FXYD6: variants seen among roughly 807,000 people sequenced by gnomAD.
FXYD6 encodes FXYD domain containing ion transport regulator 6, also known as FXYD domain-containing ion transport regulator 6.
A neutral mutation model predicts 16.7 loss-of-function variants in FXYD6; 7 were observed. The ratio of observed to expected loss-of-function variants is 0.42; its 90% CI spans 0.24 to 0.79. FXYD6 has a LOEUF of 0.79. Ranked by LOEUF, FXYD6 falls within the 30% of genes least tolerant of loss-of-function variation. The pLI is 0.28. For synonymous variants in FXYD6, 49 were observed against 43.0 expected, an observed-to-expected ratio of 1.14 and a Z score of -0.54; for missense variants, 111 against 116.2, an observed-to-expected ratio of 0.95 and a Z score of 0.21.
chr11:117,870,403 G>A lies in FXYD6; in HGVS notation c.-6+6189C>T, dbSNP rs754124420. ...CTCCCCCACACACCTGCTGACAAAG[G>A]CCCATTCAAGACAGGACAGACAGCA... On this transcript the variant is annotated intron_variant, in intron 1 of 7. Coordinates refer to ENST00000526014, the MANE Select transcript of FXYD6 (RefSeq NM_022003.4). This position sits in a 1 kb window ranked among gnomAD's most constrained non-coding sequence, Gnocchi z 4.2. 2.0e-5 allele frequency among the ~76,000 whole-genome samples: 3 copies of A among 152,210 alleles called. No homozygotes were observed. Among genetic ancestry groups the A allele is most frequent in the Non-Finnish European group, 4.4e-5 (3 of 68,044 alleles).
intron 1 of FXYD6, among the ~76,000 whole-genome samples, chr11:117,856,119 G>A (rs995755133): frequency 2.0e-5 from 3 of 152,096 alleles, no homozygotes; most frequent in African/African-American, 7.2e-5. Context: ...GGCTGCATGT[G>A]CGGGAGAAAG....
At chr11:117,845,491 C>T (rs1364887406) in intron 1 of FXYD6, among the ~76,000 whole-genome samples, 1 of 152,070 alleles carries the variant, frequency 6.6e-6, no homozygotes, top group Non-Finnish European at 1.5e-5. Flanking sequence ...TTGAAACTTG[C>T]TTTTTCTGTC....
Position 117,861,361 on chromosome 11 carries a change from T to C in FXYD6, c.-6+15231A>G, listed in dbSNP as rs1591582615. On this transcript the variant is annotated intron_variant, in intron 1 of 7. Transcript: ENST00000526014. ...GAGAAGTCGGCCAATAGCTGACAGG[T>C]ACAGAGCTGGCAGGGGAGAGAGGCA... is the stretch of plus-strand genomic sequence containing the variant. 3.9e-5 allele frequency among the ~76,000 whole-genome samples: 6 copies of C among 152,254 alleles called. 1 individual carries two copies. The highest frequency in any genetic ancestry group is 3.9e-4 in the Admixed American group (6 of 15,302).
At chr11:117,859,890 C>A (rs116555039) in intron 1 of FXYD6, among the ~76,000 whole-genome samples, 125 of 152,318 alleles carry the variant, frequency 8.2e-4, no homozygotes, top group African/African-American at 3.0e-3. Context: ...CAGATCCACG[C>A]TACAGCAATA....
At chr11:117,846,310 T>G (rs976778035) in intron 1 of FXYD6, among the ~76,000 whole-genome samples, 1 of 152,240 alleles carries the variant, frequency 6.6e-6, no homozygotes, top group African/African-American at 2.4e-5. Context: ...TTCTGAATAC[T>G]AAACCTTTGT....
At chr11:117,873,247 T>C (rs1423359854) in intron 1 of FXYD6, among the ~76,000 whole-genome samples, 3 of 152,204 alleles carry the variant, frequency 2.0e-5, no homozygotes, top group African/African-American at 4.8e-5. Flanking sequence ...TGCAGCCCTG[T>C]ATTATGAAAT....
chr11:117,841,184 C>T lies in FXYD6; in HGVS notation c.173G>A (p.Ser58Asn). ...LFSVGILLIL[S>N]RRCKCSFNQK... ...ATTGAAACTGCACTTGCACCTGCGA[C>T]CTGAAAAGCAAAGAAACCATCCAAG... The change falls in exon 5 of 8, where the codon AGT (serine) becomes AAT (asparagine). Residue 58 changes from serine (S) to asparagine (N), a missense_variant and splice_region_variant. Physicochemically the swap from Ser to Asn is conservative, Grantham distance 46 (BLOSUM62 1). Coordinates refer to ENST00000526014, the MANE Select transcript of FXYD6 (RefSeq NM_022003.4). 6.2e-7 allele frequency: 1 copy of T among 1,614,114 alleles called. No homozygotes were observed. Among genetic ancestry groups the T allele is most frequent in the Non-Finnish European group, 8.5e-7 (1 of 1,180,028 alleles).
At chr11:117,842,986 C>T (rs1263421410) in intron 1 of FXYD6, among the ~76,000 whole-genome samples, 1 of 151,802 alleles carries the variant, frequency 6.6e-6, no homozygotes. Context: ...CAGGCTAGAG[C>T]GTAGTGGCAT....
intron 1 of FXYD6, among the ~76,000 whole-genome samples, chr11:117,853,733 T>C (rs1164238204): frequency 6.6e-6 from 1 of 152,176 alleles, no homozygotes; most frequent in Non-Finnish European, 1.5e-5. Flanking sequence ...CCTCAAGTGA[T>C]CCTTCTGGCT....
At chr11:117,851,550 G>T (rs1372576867) in intron 1 of FXYD6, among the ~76,000 whole-genome samples, 1 of 152,236 alleles carries the variant, frequency 6.6e-6, no homozygotes, top group Non-Finnish European at 1.5e-5. Flanking sequence ...TCAAACGTTT[G>T]CTGTTTTAGG....
intron 1 of FXYD6, among the ~76,000 whole-genome samples, chr11:117,869,521 C>T (rs146433401): frequency 2.6e-5 from 4 of 152,314 alleles, no homozygotes; most frequent in African/African-American, 9.6e-5. Context: ...CGGCCCAGAC[C>T]CAACCCAGCC....
chr11:117,838,413 A>G, intron 7 of FXYD6, 136 bp from the exon 8 acceptor site: 1 of 669,236 alleles, frequency 1.5e-6, no homozygotes, highest in Non-Finnish European at 2.7e-6. Flanking sequence ...GAGAAAGGAG[A>G]CAAAGACACA....
chr11:117,847,891 G>A (rs1319957824), intron 1 of FXYD6, among the ~76,000 whole-genome samples: 2 of 152,124 alleles, frequency 1.3e-5, no homozygotes, highest in Non-Finnish European at 2.9e-5. Context: ...GTAATGGGAT[G>A]GCTGGGTCAA....
At chr11:117,847,414 G>A (rs1457458459) in intron 1 of FXYD6, among the ~76,000 whole-genome samples, 1 of 151,896 alleles carries the variant, frequency 6.6e-6, no homozygotes, top group East Asian at 1.9e-4. Flanking sequence ...TGCACAACGT[G>A]CAGGTTTGTT....
At chr11:117,862,518 GAC>G (rs1287870052) in intron 1 of FXYD6, among the ~76,000 whole-genome samples, 2 of 152,206 alleles carry the variant, frequency 1.3e-5, no homozygotes, top group African/African-American at 4.8e-5. Context: ...CTGCCCAGAA[GAC>G]ACAGTGTCTC....
intron 1 of FXYD6, chr11:117,843,569 C>T (rs2134140211): frequency 6.6e-6 from 1 of 152,344 alleles, no homozygotes; most frequent in East Asian, 1.9e-4. Context: ...CAGTGTCCCT[C>T]TAGTCTAGCC....
chr11:117,852,481 T>C (rs1415731429), intron 1 of FXYD6, among the ~76,000 whole-genome samples: 1 of 152,264 alleles, frequency 6.6e-6, no homozygotes, highest in Non-Finnish European at 1.5e-5. Flanking sequence ...GCTTCCATGA[T>C]TGCTGTTGAG....
chr11:117,867,451 A>G (rs898493102), intron 1 of FXYD6, among the ~76,000 whole-genome samples: 4 of 152,176 alleles, frequency 2.6e-5, no homozygotes, highest in Non-Finnish European at 5.9e-5. Flanking sequence ...CTTACCTAAT[A>G]GTGCAGTAGC....
intron 1 of FXYD6, among the ~76,000 whole-genome samples, chr11:117,855,026 C>T (rs573638426): frequency 6.6e-6 from 1 of 152,306 alleles, no homozygotes; most frequent in South Asian, 2.1e-4. Context: ...TGACAGCAAC[C>T]TACCAAATAG....
Sources: gnomAD v4.1 joint callset for allele counts (sites outside exome capture counted in the v4.1 genomes callset) on GRCh38, gnomAD v4.1.1 for gene constraint, Gnocchi (gnomAD v3.1) non-coding constraint, MANE v1.5 for transcripts, NCBI Gene and HGNC (gene_info 2026-07-23, HGNC 2026-07-21) for gene names.